Variants in PTCH1 observed in about 807,000 individuals in gnomAD.
PTCH1 encodes patched 1.
A neutral mutation model predicts 144.6 loss-of-function variants in PTCH1; 14 were observed. That is an observed-to-expected ratio of 0.10 (90% CI 0.06 to 0.15). The LOEUF (loss-of-function observed/expected upper bound fraction) is 0.15. PTCH1 is among the 10% of genes least tolerant of loss of function. PTCH1 has a pLI of 1.00. For synonymous variants in PTCH1, 833 were observed against 793.6 expected (o/e 1.05, Z -0.83); for missense variants, 1,623 against 1,948.3 (o/e 0.83, Z 3.14).
intron 16 of PTCH1, among the ~76,000 whole-genome samples, chr9:95,460,176 A>G (rs912296255): frequency 2.0e-5 from 3 of 152,262 alleles, no homozygotes; most frequent in Admixed American, 6.5e-5. Context: ...TGTTGTTAAC[A>G]CTGAAGGAAA....
Position 95,508,216 on chromosome 9 carries a change from T to C in PTCH1, c.146A>G (p.Tyr49Cys), listed in dbSNP as rs774156512. 9.9e-6 allele frequency: 16 copies of C among 1,611,792 alleles called. No homozygotes were observed. In the African/African-American group the frequency reaches 1.3e-4, roughly 13 times the overall value. ...LRRAAAPDRD[Y>C]LHRPSYCDAA... ...GTCGCAGTAGCTGGGCCGGTGCAGA[T>C]AGTCCCGGTCCGGCGCGGCAGCACG... is the stretch of plus-strand genomic sequence containing the variant. Residue 49 changes from tyrosine to cysteine, a missense_variant, in exon 1 of 24, where the codon TAT (tyrosine) becomes TGT (cysteine). Tyr to Cys is a radical substitution (Grantham distance 194). This residue lies in a region of PTCH1 where 245 missense variants were observed against 240.6 expected (regional missense o/e 1.02). Transcript: ENST00000331920.
Position 95,508,529 on chromosome 9 carries a change from T to A in PTCH1, c.-168A>T. 1 of 1,013,080 alleles carries A rather than the reference T, an allele frequency of 9.9e-7. No homozygotes were observed. The highest frequency in any genetic ancestry group is 4.9e-4 in the Middle Eastern group (1 of 2,060). The allele number at this position is 1,013,080 out of a possible 1,614,324, so 62.8% of individuals were successfully genotyped here. On this transcript the variant is annotated 5_prime_UTR_variant, in exon 1 of 24. Transcript: ENST00000331920. ...CTCCGGTTGACAGACCAGCCGCTGC[T>A]GCTGCTCACACGGCGGGCGCTGCTG...
At chr9:95,514,621 G>GT (rs1554710588) in intron 1 of PTCH1, 34 of 148,562 alleles carry the variant, frequency 2.3e-4, no homozygotes, top group African/African-American at 7.8e-4. Context: ...GAAAATAAAA[G>GT]GTGTGTGTGT....
At chr9:95,465,005 T>C (rs186601243) in intron 15 of PTCH1, among the ~76,000 whole-genome samples, 4 of 152,206 alleles carry the variant, frequency 2.6e-5, no homozygotes, top group South Asian at 2.1e-4. Context: ...GGGACCCTGA[T>C]TGCTTAGCAC....
chr9:95,475,905 C>T, intron 12 of PTCH1, 129 bp downstream of exon 12: 2 of 1,428,186 alleles, frequency 1.4e-6, no homozygotes, highest in African/African-American at 2.8e-5. Context: ...TTAAACAGAG[C>T]CTCAAACACA....
Position 95,449,669 on chromosome 9 carries a change from C to T in PTCH1, c.3549+172G>A. 1 of 743,542 alleles carries T rather than the reference C, an allele frequency of 1.3e-6. No homozygotes were observed. The highest frequency in any genetic ancestry group is 1.8e-5 in the African/African-American group (1 of 56,922). The allele number at this position is 743,542 out of a possible 1,614,324, so 46.1% of individuals were successfully genotyped here. The stretch of plus-strand genomic sequence containing the variant: ...TTTAGAGGAACCAAACCGAACCCGC[C>T]CTCTAGCCCTCAAAGCCAGTACACC... On this transcript the variant is annotated intron_variant, in intron 21 of 23. Transcript: ENST00000331920. The surrounding 1 kb of genome is among the most constrained non-coding windows in gnomAD (Gnocchi z 5.3).
At chr9:95,516,431 G>A (rs1399962497) in intron 1 of PTCH1, 4 of 1,379,272 alleles carry the variant, frequency 2.9e-6, no homozygotes, top group African/African-American at 1.5e-5. Flanking sequence ...CGCGCGAGGC[G>A]AGGTGGCGTC....
Position 95,467,366 on chromosome 9 carries a change from T to G in PTCH1, c.2310A>C (p.Arg770=). The part of the protein sequence containing the change: ...LLGVSLYGTT[R]VRDGLDLTDI... ...CCGTAAGGTCCAGCCCGTCTCTCAC[T>G]CGGGTGGTGCCATAAAGGCTGACCC... Residue 770 remains arginine (R), a synonymous_variant, in exon 15 of 24, where the codon CGA becomes CGC. Transcript: ENST00000331920. 1 of 1,614,186 alleles carries G rather than the reference T, an allele frequency of 6.2e-7. No homozygotes were observed. The highest frequency in any genetic ancestry group is 8.5e-7 in the Non-Finnish European group (1 of 1,180,038).
Position 95,458,527 on chromosome 9 carries a change from G to C in PTCH1, c.2888-234C>G, listed in dbSNP as rs1219054234. ...AAGATTTGATTTTAATCTTCCAGCAGTCATTCTTTGTGAGGGGTCTAAAAA... is the reference window on the plus strand; with the variant it reads ...AAGATTTGATTTTAATCTTCCAGCACTCATTCTTTGTGAGGGGTCTAAAAA... On this transcript the variant is annotated intron_variant, in intron 17 of 23. Coordinates refer to ENST00000331920, the MANE Select transcript of PTCH1 (RefSeq NM_000264.5). This position sits in a 1 kb window ranked among gnomAD's most constrained non-coding sequence, Gnocchi z 4.7. Among the ~76,000 whole-genome samples, 2 of 152,218 alleles carry C rather than the reference G, an allele frequency of 1.3e-5. No homozygotes were observed. The highest frequency in any genetic ancestry group is 2.9e-5 in the Non-Finnish European group (2 of 68,034).
chr9:95,506,292 G>C (rs949419709), intron 2 of PTCH1, 115 bp downstream of exon 2: 5 of 1,223,678 alleles, frequency 4.1e-6, no homozygotes, highest in African/African-American at 1.5e-5. Context: ...CCCCGGGTGC[G>C]GGCAGGGGGT....
Position 95,449,776 on chromosome 9 carries a change from G to C in PTCH1, c.3549+65C>G. The stretch of plus-strand genomic sequence containing the variant: ...GGAGGCACCTAAGTATCGAAGTGAA[G>C]AGCGGCACAGGAAACACAGCATTCA... On this transcript the variant is annotated intron_variant, in intron 21 of 23. Transcript: ENST00000331920. The surrounding 1 kb of genome is among the most constrained non-coding windows in gnomAD (Gnocchi z 5.3). The C allele has an allele frequency of 2.8e-6, 4 of 1,431,338 alleles. No homozygotes were observed. Among genetic ancestry groups the C allele is most frequent in the Non-Finnish European group, 3.9e-6 (4 of 1,018,800 alleles). 88.7% of individuals were successfully genotyped at this position (1,431,338 alleles called of 1,614,324 possible). A position where few individuals can be genotyped will look rare whatever the true frequency, so the allele number is the denominator to read the frequency against.
chr9:95,479,233 A>G (rs1238084344), intron 7 of PTCH1, 86 bp from the exon 8 acceptor site: 34 of 1,527,778 alleles, frequency 2.2e-5, no homozygotes, highest in African/African-American at 2.7e-5. Context: ...AGCTCCCCCA[A>G]CTCACTGGCT....
chr9:95,474,665 T>C (rs1313702190), intron 12 of PTCH1, among the ~76,000 whole-genome samples: 1 of 152,152 alleles, frequency 6.6e-6, no homozygotes, highest in African/African-American at 2.4e-5. Flanking sequence ...CCAAACCCAG[T>C]AGGATCAGTA....
chr9:95,457,648 G>A lies in PTCH1; in HGVS notation c.3168+365C>T, dbSNP rs556768281. ...CTTCATGTTAAATGCAGAAGAACCTGCTATGTCGTTATTAGGCCTGGATGA... is the reference window on the plus strand; with the variant it reads ...CTTCATGTTAAATGCAGAAGAACCTACTATGTCGTTATTAGGCCTGGATGA... On this transcript the variant is annotated intron_variant, in intron 18 of 23. Transcript: ENST00000331920. Among the ~76,000 whole-genome samples, 3 of 152,246 alleles carry A rather than the reference G, an allele frequency of 2.0e-5. No homozygotes were observed. The South Asian group carries it at 6.2e-4, about 32-fold the overall frequency.
At chr9:95,450,393 G>A (rs974027136) in intron 20 of PTCH1, 7 of 247,626 alleles carry the variant, frequency 2.8e-5, no homozygotes, top group Non-Finnish European at 4.8e-5. Flanking sequence ...TAGCCCAGGA[G>A]GAAAAGCAGC....
intron 2 of PTCH1, chr9:95,506,162 TCCCGCCCCCGC>T (rs1843602596): frequency 8.0e-6 from 2 of 248,828 alleles, no homozygotes; most frequent in South Asian, 6.2e-5. Context: ...CGCGCCCCCG[TCCCGCCCCCGC>T]CGCTCTCTCC....
At chr9:95,501,980 T>C (rs1158351878) in intron 2 of PTCH1, among the ~76,000 whole-genome samples, 1 of 152,130 alleles carries the variant, frequency 6.6e-6, no homozygotes, top group African/African-American at 2.4e-5. Flanking sequence ...GAGACAGGGA[T>C]GGCTAGTAGG....
Position 95,458,450 on chromosome 9 carries a change from G to C in PTCH1, c.2888-157C>G, listed in dbSNP as rs762868637. Among the ~76,000 whole-genome samples, 1 of 152,192 alleles carries C rather than the reference G, an allele frequency of 6.6e-6. No homozygotes were observed. Among genetic ancestry groups the C allele is most frequent in the Non-Finnish European group, 1.5e-5 (1 of 68,034 alleles). On this transcript the variant is annotated intron_variant, in intron 17 of 23. Coordinates refer to ENST00000331920, the MANE Select transcript of PTCH1 (RefSeq NM_000264.5). This position sits in a 1 kb window ranked among gnomAD's most constrained non-coding sequence, Gnocchi z 4.7. ...CTGATCATAGCCTCCAGGCCTTTAC[G>C]ATCTTCCCATTTGGTTTAAAAATGT... is the stretch of plus-strand genomic sequence containing the variant.
At chr9:95,489,241 TCTTC>T (rs1304764228) in intron 2 of PTCH1, among the ~76,000 whole-genome samples, 1 of 152,254 alleles carries the variant, frequency 6.6e-6, no homozygotes, top group Admixed American at 6.5e-5. Flanking sequence ...TATCTTGCTG[TCTTC>T]CTTATCATCC....
Sources: allele counts gnomAD v4.1 joint callset (sites outside exome capture counted in the v4.1 genomes callset), GRCh38; gene constraint gnomAD v4.1.1; regional missense constraint gnomAD v4.1.1; non-coding constraint Gnocchi (gnomAD v3.1); transcripts MANE v1.5; gene names NCBI Gene and HGNC (gene_info 2026-07-23, HGNC 2026-07-21).